Variants in CCDC50 observed in about 807,000 individuals in gnomAD.
The protein encoded by CCDC50 is coiled-coil domain containing 50, also known as coiled-coil domain-containing protein 50.
Under a neutral mutation model 70.2 loss-of-function variants are expected in CCDC50, and 54 were observed. The observed-to-expected ratio is 0.77, with a 90% CI of 0.62 to 0.96. The LOEUF is 0.96. Among genes scored for constraint, CCDC50 ranks in the 50% least tolerant of loss-of-function variants. The pLI is 0.00. For synonymous variants in CCDC50, 216 were observed against 198.8 expected (o/e 1.09, Z -0.73); for missense variants, 558 against 578.7 (o/e 0.96, Z 0.37).
chr3:191,331,647 C>A (rs938582830), intron 1 of CCDC50, among the ~76,000 whole-genome samples: 1 of 152,062 alleles, frequency 6.6e-6, no homozygotes, highest in African/African-American at 2.4e-5. Flanking sequence ...TTTCTAGTTC[C>A]AAGATCATCA....
intron 6 of CCDC50, among the ~76,000 whole-genome samples, chr3:191,378,378 TC>T (rs1713189860): frequency 6.6e-6 from 1 of 151,502 alleles, no homozygotes; most frequent in Non-Finnish European, 1.5e-5. Context: ...TGAAAAATCT[TC>T]TTGGCTAATT....
chr3:191,378,417 G>A (rs1158012586), intron 6 of CCDC50, among the ~76,000 whole-genome samples: 1 of 152,128 alleles, frequency 6.6e-6, no homozygotes, highest in African/African-American at 2.4e-5. Flanking sequence ...AGGCATAATA[G>A]TGGAGAAAAT....
At chr3:191,346,552 A>G (rs1223387109) in intron 1 of CCDC50, among the ~76,000 whole-genome samples, 1 of 152,210 alleles carries the variant, frequency 6.6e-6, no homozygotes, top group Non-Finnish European at 1.5e-5. Context: ...CCCGTATGAT[A>G]TGCTACATGG....
At chr3:191,349,064 GC>G (rs1238300948) in intron 1 of CCDC50, among the ~76,000 whole-genome samples, 1 of 141,494 alleles carries the variant, frequency 7.1e-6, no homozygotes, top group Non-Finnish European at 1.6e-5. Flanking sequence ...GCATCTCTAA[GC>G]TCCCTACTTG....
At position 191,393,325 on chromosome 3, in the gene CCDC50, A is replaced by G. The variant is rs767534174; in HGVS notation, c.*1565A>G. The G allele has an allele frequency of 6.6e-6, 1 of 152,176 alleles. No individual in the cohort carries two copies. Among genetic ancestry groups the G allele is most frequent in the African/African-American group, 2.4e-5 (1 of 41,444 alleles). 9.4% of individuals were successfully genotyped at this position (152,176 alleles called of 1,614,324 possible). A position where few individuals can be genotyped will look rare whatever the true frequency, so the allele number is the denominator to read the frequency against. On this transcript the variant is annotated 3_prime_UTR_variant, in exon 12 of 12. Transcript: ENST00000392455. ...TAAATATGAAATTCTTGGCATTTCA[A>G]TATGGCATTTGTTTAGGGAAAAAAT...
In CCDC50 at chr3:191,394,311, G is replaced by A. The variant is rs1202448065; in HGVS notation, c.*2551G>A. The A allele has an allele frequency of 3.3e-5, 5 of 152,044 alleles. No individual in the cohort carries two copies. The highest frequency in any genetic ancestry group is 7.4e-5 in the Non-Finnish European group (5 of 67,968). The allele number at this position is 152,044 out of a possible 1,614,324, so 9.4% of individuals were successfully genotyped here. A position where few individuals can be genotyped will look rare whatever the true frequency, so the allele number is the denominator to read the frequency against. ...ACCCTATGAATAAGGAGATAGAAAT[G>A]AAATTCAGCCAGTTAAATCCTCATA... On this transcript the variant is annotated 3_prime_UTR_variant, in exon 12 of 12. Coordinates refer to ENST00000392455, the MANE Select transcript of CCDC50 (RefSeq NM_178335.3).
intron 4 of CCDC50, among the ~76,000 whole-genome samples, chr3:191,364,266 G>A (rs561676064): frequency 4.6e-5 from 7 of 151,896 alleles, no homozygotes; most frequent in African/African-American, 1.2e-4. Flanking sequence ...ACAGGGTTTC[G>A]TCATGTTGGC....
chr3:191,387,997 A>C (rs752414389), intron 10 of CCDC50, among the ~76,000 whole-genome samples: 2 of 152,098 alleles, frequency 1.3e-5, no homozygotes. Flanking sequence ...TTTTTCTACC[A>C]AGTCTTACAT....
intron 1 of CCDC50, among the ~76,000 whole-genome samples, chr3:191,331,388 T>G (rs1717979424): frequency 6.6e-6 from 1 of 152,238 alleles, no homozygotes. Flanking sequence ...TCTAACATAT[T>G]ATTTCTCAAG....
intron 1 of CCDC50, among the ~76,000 whole-genome samples, chr3:191,338,590 CTGT>C (rs1422403704): frequency 6.6e-6 from 1 of 152,210 alleles, no homozygotes; most frequent in Non-Finnish European, 1.5e-5. Context: ...ATGTTTGCTT[CTGT>C]TGTTTTCCCA....
rs759045656 is a variant in CCDC50, at chr3:191,375,354, G to A, written c.741G>A (p.Leu247=). 3 of 1,613,686 alleles carry A rather than the reference G, an allele frequency of 1.9e-6. No homozygotes were observed. The highest frequency in any genetic ancestry group is 2.5e-6 in the Non-Finnish European group (3 of 1,179,802). The change falls in exon 6 of 12, where the codon CTG becomes CTA. Residue 247 remains leucine, a synonymous_variant. Coordinates refer to ENST00000392455, the MANE Select transcript of CCDC50 (RefSeq NM_178335.3). The stretch of plus-strand genomic sequence containing the variant: ...CCACGATCAGTGGTGAAGTGTTTCT[G>A]AGCACTGAATGTGATGACTGGGAGA... ...LLPTISGEVF[L]STECDDWETK... is the part of the protein sequence containing the mutation.
At chr3:191,381,060 T>C in intron 9 of CCDC50, 128 bp downstream of exon 9, 5 of 751,072 alleles carry the variant, frequency 6.7e-6, no homozygotes. Context: ...GTATTGCATA[T>C]GTGAATCTGA....
chr3:191,344,353 G>A (rs1001037223), intron 1 of CCDC50, among the ~76,000 whole-genome samples: 8 of 152,134 alleles, frequency 5.3e-5, no homozygotes, highest in Admixed American at 2.0e-4. Flanking sequence ...CAGAATAGTA[G>A]CCACCAGCCC....
At chr3:191,380,316 T>G (rs766915829) in intron 7 of CCDC50, 42 bp downstream of exon 7, 20 of 1,274,482 alleles carry the variant, frequency 1.6e-5, no homozygotes, top group Non-Finnish European at 2.3e-5. Context: ...TATTGATGGG[T>G]ATTTTTTTTG....
intron 6 of CCDC50, among the ~76,000 whole-genome samples, chr3:191,378,954 A>G (rs1450179022): frequency 6.6e-6 from 1 of 152,094 alleles, no homozygotes; most frequent in African/African-American, 2.4e-5. Flanking sequence ...CGCAGAAGCC[A>G]GGTTGAAAGT....
chr3:191,342,540 C>T (rs763585944), intron 1 of CCDC50, among the ~76,000 whole-genome samples: 1 of 152,020 alleles, frequency 6.6e-6, no homozygotes, highest in Non-Finnish European at 1.5e-5. Flanking sequence ...TTTTTCTTCC[C>T]CTGGTGTAAA....
At chr3:191,360,696 A>C (rs1295549099) in intron 3 of CCDC50, among the ~76,000 whole-genome samples, 1 of 152,234 alleles carries the variant, frequency 6.6e-6, no homozygotes, top group Non-Finnish European at 1.5e-5. Context: ...ATAGCTTATA[A>C]CATGGCATGA....
chr3:191,369,885 A>C lies in CCDC50; in HGVS notation c.331-34A>C, dbSNP rs766502316. 1.4e-6 allele frequency: 2 copies of C among 1,458,108 alleles called. 1 individual carries two copies. Among genetic ancestry groups the C allele is most frequent in the Non-Finnish European group, 1.9e-6 (2 of 1,038,848 alleles). 90.3% of individuals were successfully genotyped at this position (1,458,108 alleles called of 1,614,324 possible). A position where few individuals can be genotyped will look rare whatever the true frequency, so the allele number is the denominator to read the frequency against. ...ATATGGAGTTTGTTTGTTCTTTGGT[A>C]ATGTGTATTTCCATTCTCCTCTTGT... On this transcript the variant is annotated intron_variant, in intron 4 of 11. Transcript: ENST00000392455.
At chr3:191,340,251 A>G (rs1711675322) in intron 1 of CCDC50, among the ~76,000 whole-genome samples, 1 of 152,204 alleles carries the variant, frequency 6.6e-6, no homozygotes, top group Non-Finnish European at 1.5e-5. Context: ...TAAAATTCTG[A>G]CAGGTATCTG....
Sources: gnomAD v4.1 joint callset for allele counts (sites outside exome capture counted in the v4.1 genomes callset) on GRCh38, gnomAD v4.1.1 for gene constraint, MANE v1.5 for transcripts, NCBI Gene and HGNC (gene_info 2026-07-23, HGNC 2026-07-21) for gene names.